The following NMS variants were observed in gnomAD, a reference collection of about 807,000 sequenced individuals.
NMS encodes the protein neuromedin-S.
NMS carries 30 observed loss-of-function variants against 32.2 expected under a neutral mutation model. The ratio of observed to expected loss-of-function variants is 0.93; its 90% CI spans 0.70 to 1.26. The LOEUF (loss-of-function observed/expected upper bound fraction) is 1.26, where lower values mean the gene tolerates loss of function less well. Ranked by LOEUF, NMS falls within the 50% of genes most tolerant of loss-of-function variation. The pLI is 0.00. For synonymous variants in NMS, 76 were observed against 58.5 expected (o/e 1.30, Z -1.37); for missense variants, 190 against 186.3 (o/e 1.02, Z -0.12).
Position 100,472,669 on chromosome 2 carries a change from C to T in NMS, c.77-126C>T. On this transcript the variant is annotated intron_variant, in intron 1 of 9. Transcript: ENST00000376865. ...GATCAGATCTTACTTTCCCACTGAC[C>T]TCTTTTGAATGGTTCTTTGGTGGTT... 11 of 588,594 alleles carry T rather than the reference C, an allele frequency of 1.9e-5. No individual in the cohort carries two copies. In the South Asian group the frequency reaches 2.8e-4, roughly 15 times the overall value. 36.5% of individuals were successfully genotyped at this position (588,594 alleles called of 1,614,324 possible).
chr2:100,472,725 G>T, intron 1 of NMS, 70 bp from the exon 2 acceptor site: 1 of 979,312 alleles, frequency 1.0e-6, no homozygotes, highest in African/African-American at 1.6e-5. Flanking sequence ...TGTTTTTCAT[G>T]ATAAAGACTT....
Position 100,482,264 on chromosome 2 carries a change from C to CTT in NMS, c.415-5_415-4dup. On this transcript the variant is annotated splice_polypyrimidine_tract_variant and intron_variant, in intron 8 of 9. Coordinates refer to ENST00000376865, the MANE Select transcript of NMS (RefSeq NM_001011717.1). Reference sequence around the variant, plus strand: ...GTGTCTCAGTATTCATAAGTTGCTCCTTTTTTTTTCAGCCCAGGAATGGAA... The same window carrying CTT: ...GTGTCTCAGTATTCATAAGTTGCTCCTTTTTTTTTTTCAGCCCAGGAATGGAA... The CTT allele has an allele frequency of 1.3e-6, 2 of 1,587,468 alleles. No individual in the cohort carries two copies. The highest frequency in any genetic ancestry group is 1.7e-6 in the Non-Finnish European group (2 of 1,159,340).
chr2:100,470,615 G>GA lies in NMS; in HGVS notation c.76+52dup, dbSNP rs368599926. Reference sequence around the variant, plus strand: ...TCTGGCCTAAACTCTGAGGATGTCTGAGACAGACCTTGATCCCCCAGGGCA... The same window carrying GA: ...TCTGGCCTAAACTCTGAGGATGTCTGAAGACAGACCTTGATCCCCCAGGGCA... On this transcript the variant is annotated intron_variant, in intron 1 of 9. Transcript: ENST00000376865. 3.7e-5 allele frequency: 52 copies of GA among 1,420,476 alleles called. No homozygotes were observed. The African/African-American group carries it at 6.1e-4, about 17-fold the overall frequency. The allele number at this position is 1,420,476 out of a possible 1,614,324, so 88.0% of individuals were successfully genotyped here. A position where few individuals can be genotyped will look rare whatever the true frequency, so the allele number is the denominator to read the frequency against.
chr2:100,480,415 G>A, intron 6 of NMS, 81 bp from the exon 7 acceptor site: 1 of 1,407,052 alleles, frequency 7.1e-7, no homozygotes, highest in South Asian at 1.2e-5. Flanking sequence ...AGCAAGGCAG[G>A]GAGGGCAGGA....
At chr2:100,476,883 A>G (rs6723261) in intron 3 of NMS, among the ~76,000 whole-genome samples, 48,865 of 152,024 alleles carry the variant, frequency 0.32, 8,917 homozygotes, top group African/African-American at 0.49. Context: ...TGAATACTAG[A>G]ATACACTCTG....
rs151299027 is a variant in NMS at position 100,481,203 on chromosome 2, C to G, written c.414+36C>G. 3.1e-4 allele frequency: 488 copies of G among 1,597,476 alleles called. 6 individuals carry two copies. In the East Asian group the frequency reaches 8.9e-3, roughly 29 times the overall value. ...TTTTCTCACCTTTGCTTTCTAACCT[C>G]GATTCACTGCAGCCATCCCAATCAT... On this transcript the variant is annotated intron_variant, in intron 8 of 9. Transcript: ENST00000376865.
intron 3 of NMS, among the ~76,000 whole-genome samples, chr2:100,476,333 T>G (rs1403958943): frequency 6.6e-6 from 1 of 152,184 alleles, no homozygotes; most frequent in African/African-American, 2.4e-5. Flanking sequence ...CTGGTAATGT[T>G]GGTGGATTAC....
chr2:100,475,554 TA>T (rs1174433620), intron 3 of NMS, among the ~76,000 whole-genome samples: 3 of 152,150 alleles, frequency 2.0e-5, no homozygotes, highest in Admixed American at 2.0e-4. Context: ...ATTCAAAATA[TA>T]TATTTATTGA....
At chr2:100,482,670 T>C (rs1677242867) in intron 9 of NMS, among the ~76,000 whole-genome samples, 1 of 152,136 alleles carries the variant, frequency 6.6e-6, no homozygotes, top group South Asian at 2.1e-4. Context: ...AACACCACCC[T>C]GTCATGCTTG....
chr2:100,479,485 G>A (rs2104337800), intron 6 of NMS, 58 bp downstream of exon 6: 4 of 1,421,746 alleles, frequency 2.8e-6, no homozygotes, highest in Middle Eastern at 1.8e-4. Flanking sequence ...TTGAATCGTG[G>A]TAAAAGCATG....
At chr2:100,480,828 T>G (rs1410115044) in intron 7 of NMS, among the ~76,000 whole-genome samples, 1 of 152,162 alleles carries the variant, frequency 6.6e-6, no homozygotes, top group Non-Finnish European at 1.5e-5. Context: ...GGGGCCCACA[T>G]GCCATTGTAC....
chr2:100,480,554 G>C, intron 7 of NMS, 23 bp downstream of exon 7: 1 of 1,612,198 alleles, frequency 6.2e-7, no homozygotes, highest in Non-Finnish European at 8.5e-7. Flanking sequence ...CTTGGAGACT[G>C]CGACCCCCAA....
intron 1 of NMS, among the ~76,000 whole-genome samples, chr2:100,471,760 G>C (rs1180503904): frequency 6.6e-6 from 1 of 152,082 alleles, no homozygotes; most frequent in Non-Finnish European, 1.5e-5. Context: ...AACTTCTTTA[G>C]GCTAAGCTTA....
At chr2:100,481,205 A>T in intron 8 of NMS, 38 bp downstream of exon 8, 1 of 1,596,510 alleles carries the variant, frequency 6.3e-7, no homozygotes, top group Non-Finnish European at 8.6e-7. Context: ...TCTAACCTCG[A>T]TTCACTGCAG....
intron 5 of NMS, 76 bp downstream of exon 5, chr2:100,477,490 G>T (rs928776755): frequency 9.0e-6 from 10 of 1,112,700 alleles, no homozygotes; most frequent in Admixed American, 8.2e-5. Context: ...CTTAATATGT[G>T]CAGACAAGTA....
rs1313502939 is a variant in NMS, at chr2:100,482,868, CCT to C, written c.450-381_450-380del. Among the ~76,000 whole-genome samples, 97 of 152,318 alleles carry C rather than the reference CCT, an allele frequency of 6.4e-4. 1 individual carries two copies. Among genetic ancestry groups the C allele is most frequent in the East Asian group, 3.3e-3 (17 of 5,182 alleles). ...AATGCTCAAGGGCAGCTCCGGGCCT[CCT>C]CTGTTTCTCATGGGGATGTGGTCCC... On this transcript the variant is annotated intron_variant, in intron 9 of 9. Transcript: ENST00000376865.
chr2:100,476,560 AT>A (rs1249000249), intron 3 of NMS, among the ~76,000 whole-genome samples: 20 of 152,242 alleles, frequency 1.3e-4, no homozygotes, highest in Admixed American at 6.5e-4. Context: ...ATCTTTAAGC[AT>A]GAGTGAGATG....
At chr2:100,474,979 T>A (rs1677080253) in intron 3 of NMS, among the ~76,000 whole-genome samples, 1 of 152,152 alleles carries the variant, frequency 6.6e-6, no homozygotes, top group South Asian at 2.1e-4. Flanking sequence ...AGGTGAAGAC[T>A]GGGGGTGTCC....
At chr2:100,482,164 G>A in intron 8 of NMS, 113 bp from the exon 9 acceptor site, 1 of 1,041,690 alleles carries the variant, frequency 9.6e-7, no homozygotes. Context: ...GGGGAGTGAA[G>A]TCCTAGTTAG....
Sources: gnomAD v4.1 joint callset for allele counts (sites outside exome capture counted in the v4.1 genomes callset) on GRCh38, gnomAD v4.1.1 for gene constraint, MANE v1.5 for transcripts, NCBI Gene and HGNC (gene_info 2026-07-23, HGNC 2026-07-21) for gene names.